The following DNAH8 variants were observed in gnomAD, a reference collection of about 807,000 sequenced individuals.
The protein encoded by DNAH8 is dynein axonemal heavy chain 8.
In DNAH8, 382 loss-of-function variants were observed where a neutral mutation model predicts 562.1. That is an observed-to-expected ratio of 0.68 (90% CI 0.63 to 0.74). The LOEUF is 0.74. DNAH8 is among the 30% of genes least tolerant of loss of function. The pLI, the probability that DNAH8 is intolerant of heterozygous loss-of-function variation, is 0.00. For synonymous variants in DNAH8, 1,881 were observed against 1,919.4 expected (o/e 0.98, Z 0.52); for missense variants, 5,203 against 5,620.4 (o/e 0.93, Z 2.37).
chr6:38,808,305 C>T (rs1771478589), intron 24 of DNAH8, among the ~76,000 whole-genome samples: 1 of 152,068 alleles, frequency 6.6e-6, no homozygotes, highest in Admixed American at 6.6e-5. Context: ...TACCAGGCAG[C>T]ACATAGTGAG....
chr6:38,934,694 A>G (rs12662355), intron 76 of DNAH8, among the ~76,000 whole-genome samples: 71,360 of 151,964 alleles, frequency 0.47, 17,466 homozygotes, highest in Non-Finnish European at 0.54. Context: ...CTGACACATC[A>G]GTATCAGTGT....
At chr6:38,832,655 A>G (rs1228890667) in intron 31 of DNAH8, among the ~76,000 whole-genome samples, 1 of 152,240 alleles carries the variant, frequency 6.6e-6, no homozygotes, top group Non-Finnish European at 1.5e-5. Context: ...TTTCTGGGCC[A>G]CACATAAAAT....
In DNAH8 at chr6:38,948,363, G is replaced by A. The variant is rs558852726; in HGVS notation, c.12130-1089G>A. 2.0e-3 allele frequency among the ~76,000 whole-genome samples: 298 copies of A among 151,964 alleles called. 1 individual carries two copies. The highest frequency in any genetic ancestry group is 6.8e-3 in the Middle Eastern group (2 of 292). On this transcript the variant is annotated intron_variant, in intron 80 of 92. Transcript: ENST00000327475. ...TTTATTTTTTTGTTTTTGAGGGGGA[G>A]TTTCGCTCTTGTTGCCCAGAGCTGG...
At chr6:38,949,393 T>A in intron 80 of DNAH8, 59 bp from the exon 81 acceptor site, 1 of 1,041,860 alleles carries the variant, frequency 9.6e-7, no homozygotes, top group Non-Finnish European at 1.5e-6. Flanking sequence ...CAGAATCCTT[T>A]GTAATATATT....
At chr6:38,997,932 A>G (rs546501132) in intron 88 of DNAH8, among the ~76,000 whole-genome samples, 2 of 152,176 alleles carry the variant, frequency 1.3e-5, no homozygotes, top group African/African-American at 4.8e-5. Flanking sequence ...TAATATTTGT[A>G]TTTTTAGTAG....
chr6:39,021,678 C>T (rs1766926885), intron 91 of DNAH8, among the ~76,000 whole-genome samples: 1 of 152,196 alleles, frequency 6.6e-6, no homozygotes, highest in Non-Finnish European at 1.5e-5. Flanking sequence ...AAACTCGTGG[C>T]AGGAACATCA....
chr6:38,868,862 G>A (rs1249761240), intron 48 of DNAH8, among the ~76,000 whole-genome samples: 1 of 151,984 alleles, frequency 6.6e-6, no homozygotes, highest in Non-Finnish European at 1.5e-5. Context: ...TGTAGAGATA[G>A]GGTTTTGCCA....
chr6:38,807,716 G>A lies in DNAH8; in HGVS notation c.3257G>A (p.Ser1086Asn). The A allele has an allele frequency of 6.7e-7, 1 of 1,498,458 alleles. No individual in the cohort carries two copies. The highest frequency in any genetic ancestry group is 8.9e-7 in the Non-Finnish European group (1 of 1,120,832). The allele number at this position is 1,498,458 out of a possible 1,614,324, so 92.8% of individuals were successfully genotyped here. The change falls in exon 24 of 93, where the codon AGC becomes AAC. Residue 1086 changes from serine to asparagine, a missense_variant and splice_region_variant. This residue lies in a region of DNAH8 where 2,176 missense variants were observed against 2,365.1 expected (regional missense o/e 0.92). Coordinates refer to ENST00000327475, the MANE Select transcript of DNAH8 (RefSeq NM_001206927.2). ...ATGAAAAGAAGAATATTTGTTGCAA[G>A]GCAAGTTGAAAATATGCTAATTATG... ...DTMKRRIFVA[S>N]LYGRKQSEDI...
chr6:38,843,847 C>A (rs1160652333), intron 35 of DNAH8, among the ~76,000 whole-genome samples: 1 of 152,006 alleles, frequency 6.6e-6, no homozygotes, highest in African/African-American at 2.4e-5. Context: ...TTGTCTCTGT[C>A]CGTTTGTGTC....
At chr6:38,775,669 A>T (rs1459736168) in intron 12 of DNAH8, 85 bp from the exon 13 acceptor site, 19 of 816,062 alleles carry the variant, frequency 2.3e-5, no homozygotes, top group South Asian at 1.8e-5. Context: ...TTTGTGTTTT[A>T]TATCAATGAT....
chr6:38,885,520 C>T (rs1778852775), intron 56 of DNAH8, among the ~76,000 whole-genome samples: 1 of 152,174 alleles, frequency 6.6e-6, no homozygotes, highest in Non-Finnish European at 1.5e-5. Flanking sequence ...TTCTGGTCAA[C>T]ATCCTCCAAA....
intron 61 of DNAH8, among the ~76,000 whole-genome samples, chr6:38,899,437 A>T (rs1779917003): frequency 1.3e-5 from 2 of 152,230 alleles, no homozygotes; most frequent in Admixed American, 1.3e-4. Flanking sequence ...TCTTCTGCAG[A>T]TTGGGAAGAG....
chr6:38,810,366 C>A (rs545434913), intron 24 of DNAH8, among the ~76,000 whole-genome samples: 1 of 152,076 alleles, frequency 6.6e-6, no homozygotes, highest in South Asian at 2.1e-4. Context: ...CCGAGGCAGG[C>A]GAATCACTTG....
At chr6:38,886,044 T>C (rs1054751841) in intron 56 of DNAH8, among the ~76,000 whole-genome samples, 2 of 152,200 alleles carry the variant, frequency 1.3e-5, no homozygotes, top group East Asian at 1.9e-4. Flanking sequence ...AGATGCTCAA[T>C]AGAGACTTGA....
In DNAH8 at chr6:38,729,913, T is replaced by C; in HGVS notation, c.537T>C (p.Phe179=). The change falls in exon 4 of 93, where the codon TTT becomes TTC. Residue 179 remains phenylalanine (F), a synonymous_variant. Coordinates refer to ENST00000327475, the MANE Select transcript of DNAH8 (RefSeq NM_001206927.2). ...CTTTTATTTAACAGCTGGAAGCATT[T>C]ACTAATTTTTTTGCGAAAGATGGTT... is the stretch of plus-strand genomic sequence containing the variant. ...LILDCPSLEA[F]TNFFAKDGCK... is the part of the protein sequence containing the mutation. The C allele has an allele frequency of 1.3e-6, 2 of 1,565,592 alleles. No individual in the cohort carries two copies. Among genetic ancestry groups the C allele is most frequent in the African/African-American group, 1.4e-5 (1 of 74,042 alleles).
chr6:38,761,701 G>C lies in DNAH8; in HGVS notation c.1516-1G>C. 1 of 1,464,174 alleles carries C rather than the reference G, an allele frequency of 6.8e-7. No homozygotes were observed. The highest frequency in any genetic ancestry group is 1.3e-5 in the South Asian group (1 of 76,468). 90.7% of individuals were successfully genotyped at this position (1,464,174 alleles called of 1,614,324 possible). A position where few individuals can be genotyped will look rare whatever the true frequency, so the allele number is the denominator to read the frequency against. ...TTATTTTGTACCTATATTTATTTCA[G>C]GTAACAAATCAAATGGTAACAGCAT... On this transcript the variant is annotated splice_acceptor_variant, in intron 10 of 92. Transcript: ENST00000327475. LOFTEE classifies it high-confidence loss of function.
intron 25 of DNAH8, 66 bp from the exon 26 acceptor site, chr6:38,815,402 T>C: frequency 1.6e-6 from 2 of 1,273,300 alleles, no homozygotes; most frequent in Admixed American, 1.9e-5. Flanking sequence ...GGAATGGAGG[T>C]GGTGAAAATT....
intron 76 of DNAH8, among the ~76,000 whole-genome samples, chr6:38,934,732 TAC>T (rs1403778067): frequency 6.6e-6 from 1 of 152,198 alleles, no homozygotes; most frequent in Non-Finnish European, 1.5e-5. Flanking sequence ...AATATTGGGC[TAC>T]ACTTATGTAA....
At chr6:38,861,013 G>A (rs1776580427) in intron 43 of DNAH8, among the ~76,000 whole-genome samples, 1 of 152,056 alleles carries the variant, frequency 6.6e-6, no homozygotes, top group Non-Finnish European at 1.5e-5. Context: ...ACATTTTCAT[G>A]GCCAATATGA....
Sources: gnomAD v4.1 joint callset for allele counts (sites outside exome capture counted in the v4.1 genomes callset) on GRCh38, gnomAD v4.1.1 for gene constraint, gnomAD v4.1.1 regional missense constraint, MANE v1.5 for transcripts, NCBI Gene and HGNC (gene_info 2026-07-23, HGNC 2026-07-21) for gene names.